The following TRIM37 variants were observed in gnomAD, a reference collection of about 807,000 sequenced individuals.
TRIM37 encodes tripartite motif containing 37.
A neutral mutation model predicts 129.8 loss-of-function variants in TRIM37; 80 were observed. The ratio of observed to expected loss-of-function variants is 0.62; its 90% CI spans 0.51 to 0.74. The LOEUF is 0.74. Among genes scored for constraint, TRIM37 ranks in the 30% least tolerant of loss-of-function variants. The pLI is 0.00. For synonymous variants in TRIM37, 389 were observed against 387.1 expected (o/e 1.00, Z -0.06); for missense variants, 1,054 against 1,176.5 (o/e 0.90, Z 1.52).
At chr17:59,024,240 T>G (rs111864288) in intron 19 of TRIM37, among the ~76,000 whole-genome samples, 1 of 130,062 alleles carries the variant, frequency 7.7e-6, no homozygotes, top group Admixed American at 7.7e-5. Context: ...AAAAAAAAAA[T>G]TGCCACATTG....
chr17:59,024,977 T>A (rs74650584), intron 19 of TRIM37, among the ~76,000 whole-genome samples: 3 of 152,234 alleles, frequency 2.0e-5, no homozygotes, highest in African/African-American at 7.2e-5. Flanking sequence ...CTACAGTAGT[T>A]AAAAAAAGTG....
chr17:59,058,601 T>C (rs2041187472), intron 12 of TRIM37, among the ~76,000 whole-genome samples: 1 of 152,160 alleles, frequency 6.6e-6, no homozygotes. Context: ...CTAACACCTG[T>C]AATCCCAGCA....
In TRIM37 at chr17:59,070,937, C is replaced by T; in HGVS notation, c.695G>A (p.Cys232Tyr). The change falls in exon 9 of 24, where the codon TGT (cysteine) becomes TAT (tyrosine). Residue 232 changes from cysteine to tyrosine, a missense_variant. Physicochemically the swap from Cys to Tyr is radical, Grantham distance 194. Around this residue, in one of 3 missense-constraint regions of TRIM37, gnomAD observed 752 missense variants for 870.8 expected, o/e 0.86. Coordinates refer to ENST00000262294, the MANE Select transcript of TRIM37 (RefSeq NM_015294.6). ...LQEVEHQLRS[C>Y]SKSELISKSS... is the part of the protein sequence containing the mutation. ...CTTAGATATCAACTCACTCTTACTA[C>T]AAGACCGCAACTGTGTGAGGAAAAA... 6.2e-7 allele frequency: 1 copy of T among 1,613,808 alleles called. No homozygotes were observed. The highest frequency in any genetic ancestry group is 8.5e-7 in the Non-Finnish European group (1 of 1,179,914).
At chr17:59,029,049 A>G (rs2037542472) in intron 18 of TRIM37, among the ~76,000 whole-genome samples, 1 of 152,166 alleles carries the variant, frequency 6.6e-6, no homozygotes, top group Non-Finnish European at 1.5e-5. Flanking sequence ...AGCTTTTATT[A>G]TGTTTATAAT....
chr17:59,078,428 G>C (rs1052149369), intron 7 of TRIM37, among the ~76,000 whole-genome samples: 1 of 152,064 alleles, frequency 6.6e-6, no homozygotes, highest in Non-Finnish European at 1.5e-5. Context: ...CTGTACTGTG[G>C]TATTATTTGA....
chr17:59,084,961 CAGTT>C (rs978189043), intron 4 of TRIM37, among the ~76,000 whole-genome samples: 6 of 152,188 alleles, frequency 3.9e-5, no homozygotes, highest in African/African-American at 9.7e-5. Flanking sequence ...TTAAGCTACT[CAGTT>C]AGCAGTATTG....
At chr17:59,023,943 G>A (rs1175224422) in intron 19 of TRIM37, among the ~76,000 whole-genome samples, 2 of 152,000 alleles carry the variant, frequency 1.3e-5, no homozygotes, top group South Asian at 2.1e-4. Context: ...GCCAGGTGTG[G>A]TGGCTCACGC....
chr17:59,030,308 T>C (rs967987622), intron 18 of TRIM37, among the ~76,000 whole-genome samples: 2 of 152,198 alleles, frequency 1.3e-5, no homozygotes, highest in Admixed American at 6.5e-5. Context: ...GGTTTCACCA[T>C]GTTGGCTAGG....
At chr17:58,991,727 G>A (rs1019622872) in intron 24 of TRIM37, among the ~76,000 whole-genome samples, 3 of 152,128 alleles carry the variant, frequency 2.0e-5, no homozygotes, top group African/African-American at 7.2e-5. Flanking sequence ...CAGTTGGTTA[G>A]AAGAAAAACC....
chr17:58,975,022 T>C, the TRIM37 span, among the ~76,000 whole-genome samples: 541 of 152,294 alleles, frequency 3.6e-3, 3 homozygotes, highest in African/African-American at 0.012. Context: ...TTATTATTAT[T>C]ATTATTGGTG....
intron 18 of TRIM37, among the ~76,000 whole-genome samples, chr17:59,029,499 G>A (rs1288149748): frequency 6.6e-6 from 1 of 152,154 alleles, no homozygotes; most frequent in African/African-American, 2.4e-5. Context: ...TAGATTACCT[G>A]ATACCTTTTA....
At chr17:59,087,702 C>T (rs2043896836) in intron 4 of TRIM37, among the ~76,000 whole-genome samples, 1 of 152,124 alleles carries the variant, frequency 6.6e-6, no homozygotes, top group Non-Finnish European at 1.5e-5. Flanking sequence ...TGTGACTCTA[C>T]AGAAAGTGAC....
At chr17:59,009,172 G>T (rs1432951659) in intron 22 of TRIM37, among the ~76,000 whole-genome samples, 1 of 152,030 alleles carries the variant, frequency 6.6e-6, no homozygotes. Flanking sequence ...TGTCACCCAG[G>T]CTGGAGTGCA....
intron 8 of TRIM37, among the ~76,000 whole-genome samples, chr17:59,071,708 A>G (rs1447830821): frequency 6.6e-6 from 1 of 152,208 alleles, no homozygotes; most frequent in Non-Finnish European, 1.5e-5. Context: ...TTTGGGAAAC[A>G]CTATTTTGGG....
chr17:58,998,307 T>C lies in TRIM37; in HGVS notation c.*1070A>G. 1 of 985,396 alleles carries C rather than the reference T, an allele frequency of 1.0e-6. No homozygotes were observed. Among genetic ancestry groups the C allele is most frequent in the Non-Finnish European group, 1.2e-6 (1 of 829,890 alleles). The allele number at this position is 985,396 out of a possible 1,614,324, so 61.0% of individuals were successfully genotyped here. On this transcript the variant is annotated 3_prime_UTR_variant, in exon 24 of 24. Coordinates refer to ENST00000262294, the MANE Select transcript of TRIM37 (RefSeq NM_015294.6). ...ACATCAGACACGGAAGAGTGAACAA[T>C]ATTCACTAAGTAAAATACAGCAGAT... is the stretch of plus-strand genomic sequence containing the variant.
chr17:59,020,483 A>C, intron 19 of TRIM37, among the ~76,000 whole-genome samples: 1 of 152,086 alleles, frequency 6.6e-6, no homozygotes, highest in Middle Eastern at 3.4e-3. Flanking sequence ...AAATAGAATA[A>C]ATGACTGTAT....
intron 2 of TRIM37, among the ~76,000 whole-genome samples, chr17:59,095,723 GTTGT>G (rs2044791559): frequency 6.6e-6 from 1 of 151,984 alleles, no homozygotes; most frequent in Admixed American, 6.6e-5. Flanking sequence ...ACTTTCTGGG[GTTGT>G]TTTTGTTTTT....
intron 19 of TRIM37, among the ~76,000 whole-genome samples, chr17:59,018,549 G>T (rs1293502805): frequency 6.6e-6 from 1 of 152,088 alleles, no homozygotes; most frequent in Non-Finnish European, 1.5e-5. Flanking sequence ...TTTAACAAAA[G>T]AAATGTGAGA....
intron 16 of TRIM37, among the ~76,000 whole-genome samples, chr17:59,044,422 C>T (rs1754045334): frequency 2.0e-5 from 3 of 151,886 alleles, no homozygotes; most frequent in South Asian, 4.1e-4. Flanking sequence ...ATTAGTCGGG[C>T]GTAGTGGCAG....
Sources: allele counts gnomAD v4.1 joint callset (sites outside exome capture counted in the v4.1 genomes callset), GRCh38; gene constraint gnomAD v4.1.1; regional missense constraint gnomAD v4.1.1; transcripts MANE v1.5; gene names NCBI Gene and HGNC (gene_info 2026-07-23, HGNC 2026-07-21).